The following APBA1 variants were observed in gnomAD, a reference collection of about 807,000 sequenced individuals.
APBA1 encodes the protein amyloid beta precursor protein binding family A member 1.
In APBA1, 55 loss-of-function variants were observed where a neutral mutation model predicts 86.6. That is an observed-to-expected ratio of 0.64 (90% CI 0.51 to 0.80). The LOEUF (loss-of-function observed/expected upper bound fraction) is 0.80. APBA1 is among the 30% of genes least tolerant of loss of function. APBA1 has a pLI of 0.00. For missense variants in APBA1, 1,090 were observed against 1,183.0 expected (o/e 0.92, Z 1.15); for synonymous variants, 511 against 493.9 (o/e 1.03, Z -0.46).
intron 2 of APBA1, among the ~76,000 whole-genome samples, chr9:69,483,613 G>A (rs1456614622): frequency 3.3e-5 from 5 of 152,152 alleles, no homozygotes. Flanking sequence ...ATAATGCAGT[G>A]AAATTCATTT....
chr9:69,662,044 A>T (rs1823763371), intron 1 of APBA1, among the ~76,000 whole-genome samples: 1 of 151,878 alleles, frequency 6.6e-6, no homozygotes, highest in Admixed American at 6.6e-5. Flanking sequence ...ACACACACAC[A>T]CACACACACA....
chr9:69,594,159 G>A (rs927442535), intron 1 of APBA1, among the ~76,000 whole-genome samples: 1 of 152,028 alleles, frequency 6.6e-6, no homozygotes, highest in African/African-American at 2.4e-5. Context: ...ACAGGCTCTG[G>A]GACCATCTAT....
chr9:69,460,675 G>A (rs889706029), intron 5 of APBA1: 2 of 150,664 alleles, frequency 1.3e-5, no homozygotes, highest in African/African-American at 4.9e-5. Flanking sequence ...TTTTTTCTGG[G>A]ACTGGTGTTG....
In APBA1 at chr9:69,517,240, C is replaced by T. The variant is rs1424119961; in HGVS notation, c.-30G>A. The stretch of plus-strand genomic sequence containing the variant: ...GGAGTCGGAACGGCTAGGAGAGAAG[C>T]TGGGCCCGGCTCACTGCGCTCTCAT... On this transcript the variant is annotated 5_prime_UTR_variant, in exon 2 of 13. Transcript: ENST00000265381. The T allele has an allele frequency of 5.6e-6, 8 of 1,433,370 alleles. No homozygotes were observed. Among genetic ancestry groups the T allele is most frequent in the Non-Finnish European group, 6.4e-6 (7 of 1,094,456 alleles). 88.8% of individuals were successfully genotyped at this position (1,433,370 alleles called of 1,614,324 possible).
chr9:69,627,954 A>G (rs927664653), intron 1 of APBA1, among the ~76,000 whole-genome samples: 1 of 152,102 alleles, frequency 6.6e-6, no homozygotes, highest in South Asian at 2.1e-4. Flanking sequence ...CCTCCTGTGT[A>G]TGCTTTTGTG....
chr9:69,520,668 T>C (rs1309725241), intron 1 of APBA1, among the ~76,000 whole-genome samples: 3 of 152,132 alleles, frequency 2.0e-5, no homozygotes, highest in Admixed American at 2.0e-4. Context: ...CCTCCTCACC[T>C]TCCCTACCCA....
At chr9:69,445,677 C>A (rs115768815) in intron 10 of APBA1, among the ~76,000 whole-genome samples, 1,925 of 152,188 alleles carry the variant, frequency 0.013, 38 homozygotes, top group African/African-American at 0.044. Flanking sequence ...GTTCCACCCA[C>A]CAATAATTAT....
intron 1 of APBA1, among the ~76,000 whole-genome samples, chr9:69,530,010 T>C (rs1402600851): frequency 1.3e-5 from 2 of 152,066 alleles, no homozygotes; most frequent in African/African-American, 4.8e-5. Flanking sequence ...AAACAACACA[T>C]GTAGGCGTGG....
chr9:69,467,406 A>G (rs955472152), intron 5 of APBA1, among the ~76,000 whole-genome samples: 3 of 152,210 alleles, frequency 2.0e-5, no homozygotes, highest in Non-Finnish European at 4.4e-5. Context: ...CTTGAACAGG[A>G]TGGGCTGGTT....
At chr9:69,542,549 A>G (rs922473017) in intron 1 of APBA1, among the ~76,000 whole-genome samples, 1 of 152,224 alleles carries the variant, frequency 6.6e-6, no homozygotes, top group Non-Finnish European at 1.5e-5. Flanking sequence ...GGTTGCTTCA[A>G]AGTTTTGGCA....
At chr9:69,588,896 T>C (rs559877656) in intron 1 of APBA1, among the ~76,000 whole-genome samples, 5 of 152,236 alleles carry the variant, frequency 3.3e-5, no homozygotes, top group African/African-American at 4.8e-5. Flanking sequence ...TTCTACCTTA[T>C]ATAGCATGAG....
intron 3 of APBA1, 106 bp downstream of exon 3, chr9:69,475,942 G>GTAAT: frequency 2.3e-6 from 2 of 859,428 alleles, no homozygotes; most frequent in Non-Finnish European, 3.9e-6. Flanking sequence ...TCTCACCAGG[G>GTAAT]TAATGTGGGT....
At chr9:69,502,974 C>T (rs917421692) in intron 2 of APBA1, among the ~76,000 whole-genome samples, 2 of 152,256 alleles carry the variant, frequency 1.3e-5, no homozygotes, top group South Asian at 4.1e-4. Context: ...CCGGCCTTGA[C>T]CTACTTTTTA....
At position 69,516,387 on chromosome 9, in the gene APBA1, G is replaced by C. The variant is rs1230636691; in HGVS notation, c.824C>G (p.Ala275Gly). The change falls in exon 2 of 13, where the codon GCC (alanine) becomes GGC (glycine). Residue 275 changes from alanine to glycine, a missense_variant. Ala to Gly is a moderately conservative substitution (Grantham distance 60). Coordinates refer to ENST00000265381, the MANE Select transcript of APBA1 (RefSeq NM_001163.4). The surrounding 1 kb of genome is among the most constrained non-coding windows in gnomAD (Gnocchi z 7.3). ...EQEEDIDQIV[A>G]EVKQSMSSQS... The stretch of plus-strand genomic sequence containing the variant: ...CGAGCTCATGCTCTGCTTCACCTCG[G>C]CCACTATCTGGTCGATGTCCTCCTC... 1.2e-6 allele frequency: 2 copies of C among 1,603,382 alleles called. No individual in the cohort carries two copies. The highest frequency in any genetic ancestry group is 1.7e-6 in the Non-Finnish European group (2 of 1,178,584).
intron 1 of APBA1, among the ~76,000 whole-genome samples, chr9:69,522,109 T>C (rs931618928): frequency 6.6e-6 from 1 of 151,742 alleles, no homozygotes; most frequent in African/African-American, 2.4e-5. Context: ...TATATATATA[T>C]ATGTGTGTGT....
intron 1 of APBA1, among the ~76,000 whole-genome samples, chr9:69,649,338 G>T (rs548334116): frequency 6.6e-6 from 1 of 152,086 alleles, no homozygotes; most frequent in Non-Finnish European, 1.5e-5. Flanking sequence ...AAATCCCTAA[G>T]GCAGCCTGGA....
At chr9:69,652,521 T>A (rs1823527049) in intron 1 of APBA1, among the ~76,000 whole-genome samples, 1 of 152,024 alleles carries the variant, frequency 6.6e-6, no homozygotes, top group South Asian at 2.1e-4. Flanking sequence ...ATGAGACAAC[T>A]GTCACTTAGC....
At chr9:69,645,938 G>C (rs1823382667) in intron 1 of APBA1, among the ~76,000 whole-genome samples, 1 of 152,158 alleles carries the variant, frequency 6.6e-6, no homozygotes, top group Admixed American at 6.5e-5. Context: ...ATTTTCTGTT[G>C]CTAGTGTCTA....
chr9:69,580,775 T>A (rs969404663), intron 1 of APBA1, among the ~76,000 whole-genome samples: 2 of 152,210 alleles, frequency 1.3e-5, no homozygotes, highest in African/African-American at 4.8e-5. Flanking sequence ...CCTGTGGCTA[T>A]ATAAAGTACC....
Sources: allele counts gnomAD v4.1 joint callset (sites outside exome capture counted in the v4.1 genomes callset), GRCh38; gene constraint gnomAD v4.1.1; non-coding constraint Gnocchi (gnomAD v3.1); transcripts MANE v1.5; gene names NCBI Gene and HGNC (gene_info 2026-07-23, HGNC 2026-07-21).